POFUT2: variants seen among roughly 807,000 people sequenced by gnomAD.
POFUT2 encodes GDP-fucose protein O-fucosyltransferase 2.
POFUT2 carries 30 observed loss-of-function variants against 55.0 expected under a neutral mutation model. That is an observed-to-expected ratio of 0.55 (90% confidence interval 0.41 to 0.74). The LOEUF (loss-of-function observed/expected upper bound fraction) is 0.74. POFUT2 is among the 30% of genes least tolerant of loss of function. POFUT2 has a pLI of 0.00. For synonymous variants in POFUT2, 267 were observed against 231.1 expected (o/e 1.16, Z -1.41); for missense variants, 524 against 562.6 (o/e 0.93, Z 0.69).
chr21:45,280,773 C>T, intron 4 of POFUT2, among the ~76,000 whole-genome samples: 1 of 150,030 alleles, frequency 6.7e-6, no homozygotes, highest in Non-Finnish European at 1.5e-5. Context: ...GGTTTCGTCT[C>T]AATTGCACGG....
chr21:45,276,990 C>G (rs1394610216), intron 6 of POFUT2, 27 bp downstream of exon 6: 2 of 1,611,336 alleles, frequency 1.2e-6, no homozygotes, highest in Non-Finnish European at 1.7e-6. Context: ...TACCTTTTCT[C>G]TAATTAACAA....
In POFUT2 at chr21:45,270,866, C is replaced by A. The variant is rs2093213363; in HGVS notation, c.832-847G>T. On this transcript the variant is annotated intron_variant, in intron 6 of 8. Coordinates refer to ENST00000349485, the MANE Select transcript of POFUT2 (RefSeq NM_133635.6). This position sits in a 1 kb window ranked among gnomAD's most constrained non-coding sequence, Gnocchi z 4.6. ...GGGGAAGGCGAAGAGCGCCACAGAGCACCCCGTGGGATAAAAGAATCTGAA... is the reference window on the plus strand; with the variant it reads ...GGGGAAGGCGAAGAGCGCCACAGAGAACCCCGTGGGATAAAAGAATCTGAA... Among the ~76,000 whole-genome samples, 2 of 152,238 alleles carry A rather than the reference C, an allele frequency of 1.3e-5. No individual in the cohort carries two copies. Among genetic ancestry groups the A allele is most frequent in the African/African-American group, 2.4e-5 (1 of 41,464 alleles).
Position 45,284,440 on chromosome 21 carries a change from T to C in POFUT2, c.383-913A>G, listed in dbSNP as rs769622784. Among the ~76,000 whole-genome samples the C allele has an allele frequency of 3.3e-5, 5 of 152,296 alleles. No homozygotes were observed. The highest frequency in any genetic ancestry group is 3.4e-3 in the Middle Eastern group (1 of 294). On this transcript the variant is annotated intron_variant, in intron 2 of 8. Transcript: ENST00000349485. This position sits in a 1 kb window ranked among gnomAD's most constrained non-coding sequence, Gnocchi z 5.8. Reference sequence around the variant, plus strand: ...TCAGGAGCTCACCGTGTGCAGTCTCTTGGCAGCCTCGCCCTAGGACAGGCA... The same window carrying C: ...TCAGGAGCTCACCGTGTGCAGTCTCCTGGCAGCCTCGCCCTAGGACAGGCA...
chr21:45,284,129 G>A lies in POFUT2; in HGVS notation c.383-602C>T, dbSNP rs896583883. 7.9e-5 allele frequency among the ~76,000 whole-genome samples: 12 copies of A among 151,708 alleles called. No homozygotes were observed. Among genetic ancestry groups the A allele is most frequent in the Non-Finnish European group, 1.6e-4 (11 of 67,994 alleles). ...GGAATAAAGCGGGAGGGAGCACCGC[G>A]CAGGTGAAGTTCTGGGGCAGGAACA... On this transcript the variant is annotated intron_variant, in intron 2 of 8. Transcript: ENST00000349485. The surrounding 1 kb of genome is among the most constrained non-coding windows in gnomAD (Gnocchi z 5.8).
In POFUT2 at chr21:45,281,008, T is replaced by G. The variant is rs2030569020; in HGVS notation, c.638+1341A>C. ...CTTTTCCCATCTTGTTGAAGAAAGCTTTCTGCCCCACGGTGGTGAGGCTCC... is the reference window on the plus strand; with the variant it reads ...CTTTTCCCATCTTGTTGAAGAAAGCGTTCTGCCCCACGGTGGTGAGGCTCC... On this transcript the variant is annotated intron_variant, in intron 4 of 8. Coordinates refer to ENST00000349485, the MANE Select transcript of POFUT2 (RefSeq NM_133635.6). The surrounding 1 kb of genome is among the most constrained non-coding windows in gnomAD (Gnocchi z 5.0). 6.6e-6 allele frequency among the ~76,000 whole-genome samples: 1 copy of G among 152,230 alleles called. No individual in the cohort carries two copies. Among genetic ancestry groups the G allele is most frequent in the African/African-American group, 2.4e-5 (1 of 41,458 alleles).
intron 1 of POFUT2, among the ~76,000 whole-genome samples, chr21:45,286,367 C>A (rs1411306682): frequency 6.6e-6 from 1 of 152,152 alleles, no homozygotes; most frequent in African/African-American, 2.4e-5. Context: ...TTAACAAAAA[C>A]CACATATTTA....
In POFUT2 at chr21:45,267,416, C is replaced by T; in HGVS notation, c.1136+174G>A. ...GGGCAAGATGAACAATTAACTTCAGCCCAGGGAAACACTGAACCAGATGCT... is the reference window on the plus strand; with the variant it reads ...GGGCAAGATGAACAATTAACTTCAGTCCAGGGAAACACTGAACCAGATGCT... On this transcript the variant is annotated intron_variant, in intron 8 of 8. Coordinates refer to ENST00000349485, the MANE Select transcript of POFUT2 (RefSeq NM_133635.6). The surrounding 1 kb of genome is among the most constrained non-coding windows in gnomAD (Gnocchi z 4.4). 6.2e-7 allele frequency: 1 copy of T among 1,608,762 alleles called. No individual in the cohort carries two copies. The highest frequency in any genetic ancestry group is 1.3e-5 in the African/African-American group (1 of 74,850).
At chr21:45,269,204 G>A (rs2093194108) in intron 7 of POFUT2, among the ~76,000 whole-genome samples, 2 of 151,666 alleles carry the variant, frequency 1.3e-5, no homozygotes, top group Admixed American at 1.3e-4. Context: ...CCCCGTCCGG[G>A]AGGTGAGGGG....
Position 45,270,129 on chromosome 21 carries a change from C to T in POFUT2, c.832-110G>A. 2.5e-6 allele frequency: 2 copies of T among 800,508 alleles called. No individual in the cohort carries two copies. The highest frequency in any genetic ancestry group is 2.6e-5 in the South Asian group (1 of 38,454). The allele number at this position is 800,508 out of a possible 1,614,324, so 49.6% of individuals were successfully genotyped here. On this transcript the variant is annotated intron_variant, in intron 6 of 8. Transcript: ENST00000349485. This position sits in a 1 kb window ranked among gnomAD's most constrained non-coding sequence, Gnocchi z 4.6. ...AGGGATGACCCTTTCCATGTGGCCT[C>T]CTCCACGGGGTGGCTCCAGGGCTGT...
intron 6 of POFUT2, among the ~76,000 whole-genome samples, chr21:45,271,784 A>G (rs2093221429): frequency 1.3e-5 from 2 of 152,242 alleles, no homozygotes; most frequent in African/African-American, 4.8e-5. Context: ...CAAGAATTTT[A>G]TATCCAGCAA....
In POFUT2 at chr21:45,267,171, C is replaced by T. The variant is rs909848597; in HGVS notation, c.1136+419G>A. 22 of 1,307,482 alleles carry T rather than the reference C, an allele frequency of 1.7e-5. No individual in the cohort carries two copies. Among genetic ancestry groups the T allele is most frequent in the African/African-American group, 4.6e-5 (3 of 65,498 alleles). The allele number at this position is 1,307,482 out of a possible 1,614,324, so 81.0% of individuals were successfully genotyped here. On this transcript the variant is annotated intron_variant, in intron 8 of 8. Coordinates refer to ENST00000349485, the MANE Select transcript of POFUT2 (RefSeq NM_133635.6). This position sits in a 1 kb window ranked among gnomAD's most constrained non-coding sequence, Gnocchi z 4.4. ...TGGCAGCCCCACGAGAATGATCACA[C>T]GAGGGCCCACGCTCCCGGCCTCGGG...
At chr21:45,287,676 C>CCAACCCAACAAAT in intron 1 of POFUT2, 65 bp downstream of exon 1, 4 of 1,181,536 alleles carry the variant, frequency 3.4e-6, no homozygotes, top group Non-Finnish European at 4.4e-6. Flanking sequence ...GCCCCGCCCC[C>CCAACCCAACAAAT]ATCCCATCCT....
At position 45,264,141 on chromosome 21, in the gene POFUT2, A is replaced by G. The variant is rs1602136201; in HGVS notation, c.*1341T>C. The G allele has an allele frequency of 6.6e-6, 1 of 152,372 alleles. No homozygotes were observed. The highest frequency in any genetic ancestry group is 1.9e-4 in the East Asian group (1 of 5,190). The allele number at this position is 152,372 out of a possible 1,614,324, so 9.4% of individuals were successfully genotyped here. Reference sequence around the variant, plus strand: ...CTGTCACACGTTCAGGGTCAATTTTAAAAGCTTGAGAAGACACAGCAAGGT... The same window carrying G: ...CTGTCACACGTTCAGGGTCAATTTTGAAAGCTTGAGAAGACACAGCAAGGT... On this transcript the variant is annotated 3_prime_UTR_variant, in exon 9 of 9. Transcript: ENST00000349485.
intron 4 of POFUT2, among the ~76,000 whole-genome samples, chr21:45,279,129 C>T (rs1006523738): frequency 2.6e-5 from 4 of 152,346 alleles, no homozygotes; most frequent in South Asian, 2.1e-4. Flanking sequence ...CAGTGGCTCA[C>T]GCCTCTAATC....
At chr21:45,280,242 G>C (rs2030444370) in intron 4 of POFUT2, among the ~76,000 whole-genome samples, 1 of 152,126 alleles carries the variant, frequency 6.6e-6, no homozygotes, top group South Asian at 2.1e-4. Flanking sequence ...CCGATGCACG[G>C]GACTGTCTTT....
chr21:45,267,037 CACGAGA>C lies in POFUT2; in HGVS notation c.1136+547_1136+552del. Reference sequence around the variant, plus strand: ...GCCTCTGGGACGCTCACGGCAGCCCCACGAGAATGATCACACGAGGGCCCACGCTCC... The same window carrying C: ...GCCTCTGGGACGCTCACGGCAGCCCCATGATCACACGAGGGCCCACGCTCC... On this transcript the variant is annotated intron_variant, in intron 8 of 8. Coordinates refer to ENST00000349485, the MANE Select transcript of POFUT2 (RefSeq NM_133635.6). This position sits in a 1 kb window ranked among gnomAD's most constrained non-coding sequence, Gnocchi z 4.4. 1 of 1,066,152 alleles carries C rather than the reference CACGAGA, an allele frequency of 9.4e-7. No homozygotes were observed. Among genetic ancestry groups the C allele is most frequent in the African/African-American group, 1.8e-5 (1 of 56,820 alleles). 66.0% of individuals were successfully genotyped at this position (1,066,152 alleles called of 1,614,324 possible). A position where few individuals can be genotyped will look rare whatever the true frequency, so the allele number is the denominator to read the frequency against.
intron 6 of POFUT2, among the ~76,000 whole-genome samples, chr21:45,271,147 A>C (rs573323261): frequency 9.7e-4 from 147 of 152,308 alleles, no homozygotes; most frequent in East Asian, 1.5e-3. Flanking sequence ...ATTAAAAAAA[A>C]AACAACAACA....
At chr21:45,271,483 A>G (rs1255756581) in intron 6 of POFUT2, among the ~76,000 whole-genome samples, 2 of 152,256 alleles carry the variant, frequency 1.3e-5, no homozygotes, top group Non-Finnish European at 2.9e-5. Flanking sequence ...ATTTGAGGGA[A>G]TAATTGAGGA....
Position 45,265,474 on chromosome 21 carries a change from G to T in POFUT2, c.*8C>A, listed in dbSNP as rs1482121141. 1 of 1,608,754 alleles carries T rather than the reference G, an allele frequency of 6.2e-7. No individual in the cohort carries two copies. Among genetic ancestry groups the T allele is most frequent in the Non-Finnish European group, 8.5e-7 (1 of 1,177,908 alleles). On this transcript the variant is annotated 3_prime_UTR_variant, in exon 9 of 9. Coordinates refer to ENST00000349485, the MANE Select transcript of POFUT2 (RefSeq NM_133635.6). The surrounding 1 kb of genome is among the most constrained non-coding windows in gnomAD (Gnocchi z 4.6). ...TCGGGTCCGGGGAGCGGCCCTGGAGGATCCTCCTCAGTAGGTGATCTTCCA... is the reference window on the plus strand; with the variant it reads ...TCGGGTCCGGGGAGCGGCCCTGGAGTATCCTCCTCAGTAGGTGATCTTCCA...
Sources: gnomAD v4.1 joint callset for allele counts (sites outside exome capture counted in the v4.1 genomes callset) on GRCh38, gnomAD v4.1.1 for gene constraint, Gnocchi (gnomAD v3.1) non-coding constraint, MANE v1.5 for transcripts, NCBI Gene and HGNC (gene_info 2026-07-23, HGNC 2026-07-21) for gene names.